The following DNMT1 variants were observed in gnomAD, a reference collection of about 807,000 sequenced individuals.
DNMT1 encodes DNA (cytosine-5)-methyltransferase 1.
DNMT1 carries 24 observed loss-of-function variants against 205.3 expected under a neutral mutation model. The observed-to-expected ratio is 0.12, with a 90% confidence interval of 0.08 to 0.16. The LOEUF (loss-of-function observed/expected upper bound fraction) is 0.16, where lower values mean the gene tolerates loss of function less well. Among genes scored for constraint, DNMT1 ranks in the 10% least tolerant of loss-of-function variants. The probability of loss-of-function intolerance (pLI) is 1.00; values close to 1 mark genes in which losing one functional copy is unlikely to be tolerated. For synonymous variants in DNMT1, 817 were observed against 839.8 expected, an observed-to-expected ratio of 0.97 and a Z score of 0.47; for missense variants, 1,293 against 2,177.7, an observed-to-expected ratio of 0.59 and a Z score of 8.09.
chr19:10,174,086 C>A (rs936523107), intron 7 of DNMT1, among the ~76,000 whole-genome samples, 181 bp from the exon 8 acceptor site: 1 of 152,122 alleles, frequency 6.6e-6, no homozygotes, highest in Admixed American at 6.6e-5. Context: ...TTAATCCCCA[C>A]CAACCCCAAA....
In DNMT1 at chr19:10,137,067, A is replaced by G. The variant is rs1344474481; in HGVS notation, c.4489+18T>C. 6 of 1,609,840 alleles carry G rather than the reference A, an allele frequency of 3.7e-6. No homozygotes were observed. In the Admixed American group the frequency reaches 6.7e-5, roughly 18 times the overall value. On this transcript the variant is annotated intron_variant, in intron 37 of 40. Transcript: ENST00000359526. This position sits in a 1 kb window ranked among gnomAD's most constrained non-coding sequence, Gnocchi z 6.4. ...CCTTCCCCTCAGCCCACCGGGAACC[A>G]CAACTTACAGGACCCACCTTCCACG...
chr19:10,163,491 G>T, intron 11 of DNMT1, 131 bp from the exon 12 acceptor site: 1 of 884,544 alleles, frequency 1.1e-6, no homozygotes. Flanking sequence ...TGGAAGACAG[G>T]CAGGCCTGGG....
chr19:10,133,719 G>C lies in DNMT1; in HGVS notation c.4865-18C>G, dbSNP rs1227798096. The stretch of plus-strand genomic sequence containing the variant: ...TATTTTAGCTGAAGGGAAATAAAAG[G>C]AAAAGTCACTCTGGGGAACACGCCC... On this transcript the variant is annotated intron_variant, in intron 40 of 40. Coordinates refer to ENST00000359526, the MANE Select transcript of DNMT1 (RefSeq NM_001130823.3). The surrounding 1 kb of genome is among the most constrained non-coding windows in gnomAD (Gnocchi z 4.1). 1 of 1,582,814 alleles carries C rather than the reference G, an allele frequency of 6.3e-7. No homozygotes were observed. Among genetic ancestry groups the C allele is most frequent in the East Asian group, 2.3e-5 (1 of 43,308 alleles).
In DNMT1 at chr19:10,133,800, C is replaced by A; in HGVS notation, c.4865-99G>T. 3 of 1,293,364 alleles carry A rather than the reference C, an allele frequency of 2.3e-6. No homozygotes were observed. The highest frequency in any genetic ancestry group is 3.3e-6 in the Non-Finnish European group (3 of 912,140). 80.1% of individuals were successfully genotyped at this position (1,293,364 alleles called of 1,614,324 possible). A position where few individuals can be genotyped will look rare whatever the true frequency, so the allele number is the denominator to read the frequency against. On this transcript the variant is annotated intron_variant, in intron 40 of 40. Transcript: ENST00000359526. This position sits in a 1 kb window ranked among gnomAD's most constrained non-coding sequence, Gnocchi z 4.1. ...GACATGGACCATCAGGAAACATTAA[C>A]GTACTGATGTTAACAGCTGACCCAA... is the stretch of plus-strand genomic sequence containing the variant.
At chr19:10,148,322 T>C (rs190523001) in intron 27 of DNMT1, among the ~76,000 whole-genome samples, 6,541 of 148,824 alleles carry the variant, frequency 0.044, 473 homozygotes, top group African/African-American at 0.15. Context: ...CAGTGAAACC[T>C]CGTCTCTACT....
At chr19:10,163,438 C>A in intron 11 of DNMT1, 78 bp from the exon 12 acceptor site, 3 of 1,473,244 alleles carry the variant, frequency 2.0e-6, no homozygotes, top group Non-Finnish European at 2.8e-6. Context: ...AGATAAAATG[C>A]AAACACTGAA....
At chr19:10,161,361 A>ATAAC (rs1339941748) in intron 13 of DNMT1, among the ~76,000 whole-genome samples, 16 of 140,160 alleles carry the variant, frequency 1.1e-4, no homozygotes, top group Non-Finnish European at 7.9e-5. Context: ...AAATAAATAA[A>ATAAC]TAACTGGCCA....
chr19:10,174,635 A>G (rs12609152), intron 7 of DNMT1, among the ~76,000 whole-genome samples: 19,900 of 151,948 alleles, frequency 0.13, 1,887 homozygotes, highest in East Asian at 0.4. Context: ...TGAACCCAGG[A>G]GGCGGAGGTT....
chr19:10,171,308 A>T (rs1678766829), intron 9 of DNMT1, among the ~76,000 whole-genome samples: 1 of 152,062 alleles, frequency 6.6e-6, no homozygotes, highest in Non-Finnish European at 1.5e-5. Flanking sequence ...TGAAAATTAG[A>T]TCTTCACCAA....
chr19:10,173,215 G>A, intron 8 of DNMT1, 41 bp from the exon 9 acceptor site: 3 of 1,605,802 alleles, frequency 1.9e-6, no homozygotes, highest in Non-Finnish European at 2.6e-6. Flanking sequence ...GTGAGTGCCA[G>A]GAGCTTCCCC....
intron 1 of DNMT1, among the ~76,000 whole-genome samples, chr19:10,184,811 C>T (rs1194475458): frequency 6.6e-6 from 1 of 152,184 alleles, no homozygotes; most frequent in Non-Finnish European, 1.5e-5. Context: ...CAGGCAGGGA[C>T]CAGGCCACTG....
At position 10,137,109 on chromosome 19, in the gene DNMT1, G is replaced by A; in HGVS notation, c.4465C>T (p.Arg1489Cys). The A allele has an allele frequency of 6.2e-7, 1 of 1,612,196 alleles. No individual in the cohort carries two copies. The highest frequency in any genetic ancestry group is 8.5e-7 in the Non-Finnish European group (1 of 1,179,654). ...CCTTCCACGCAGGAGCAGACCCCAC[G>A]GAGGGCCCCAGAGCTGCTGCGGCCG... ...KNGRSSSGAL[R>C]GVCSCVEAGK... is the part of the protein sequence containing the mutation. Residue 1489 changes from arginine (R) to cysteine (C), a missense_variant, in exon 37 of 41, where the codon CGT becomes TGT. Transcript: ENST00000359526. This position sits in a 1 kb window ranked among gnomAD's most constrained non-coding sequence, Gnocchi z 6.4.
intron 28 of DNMT1, 68 bp from the exon 29 acceptor site, chr19:10,144,055 A>G: frequency 2.0e-6 from 3 of 1,483,842 alleles, no homozygotes; most frequent in Non-Finnish European, 2.8e-6. Flanking sequence ...GGCATGACTG[A>G]CCAGTGAAAA....
At chr19:10,145,226 G>A (rs530470978) in intron 28 of DNMT1, among the ~76,000 whole-genome samples, 14 of 152,356 alleles carry the variant, frequency 9.2e-5, no homozygotes, top group Non-Finnish European at 1.8e-4. Context: ...GGCCCCCCAG[G>A]AGTCTGACGG....
At chr19:10,161,089 G>A (rs1056050828) in intron 13 of DNMT1, among the ~76,000 whole-genome samples, 3 of 152,154 alleles carry the variant, frequency 2.0e-5, no homozygotes, top group Non-Finnish European at 2.9e-5. Flanking sequence ...GATGGATCAC[G>A]AGATCAAGAG....
rs532634715 is a variant in DNMT1 at position 10,137,411 on chromosome 19, A to C, written c.4294-131T>G. 5.1e-6 allele frequency: 6 copies of C among 1,184,750 alleles called. No individual in the cohort carries two copies. The African/African-American group carries it at 9.1e-5, about 18-fold the overall frequency. The allele number at this position is 1,184,750 out of a possible 1,614,324, so 73.4% of individuals were successfully genotyped here. A position where few individuals can be genotyped will look rare whatever the true frequency, so the allele number is the denominator to read the frequency against. ...GGCTCACGCCCATCGGGAAAGAGAC[A>C]GTCAGGGATATCGCACTTGGCTCGA... On this transcript the variant is annotated intron_variant, in intron 36 of 40. Transcript: ENST00000359526. This position sits in a 1 kb window ranked among gnomAD's most constrained non-coding sequence, Gnocchi z 6.4.
intron 27 of DNMT1, among the ~76,000 whole-genome samples, chr19:10,148,659 T>G (rs923569333): frequency 2.2e-4 from 34 of 152,058 alleles, no homozygotes; most frequent in Admixed American, 1.6e-3. Context: ...TGTTCCTGGG[T>G]AGGGAACCCT....
Position 10,180,354 on chromosome 19 carries a change from A to G in DNMT1, c.441T>C (p.Ala147=), listed in dbSNP as rs2039021184. ...AAAGGAATCATCTGCTCTTACGCTTAGCCTCTCCATCGGACTTGCTCCTCC... is the reference window on the plus strand; with the variant it reads ...AAAGGAATCATCTGCTCTTACGCTTGGCCTCTCCATCGGACTTGCTCCTCC... ...TPRRSKSDGE[A]KRSRDPPASA... Residue 147 remains alanine, a synonymous_variant, in exon 4 of 41, where the codon GCT becomes GCC. Coordinates refer to ENST00000359526, the MANE Select transcript of DNMT1 (RefSeq NM_001130823.3). The G allele has an allele frequency of 2.5e-6, 4 of 1,612,138 alleles. No homozygotes were observed. Among genetic ancestry groups the G allele is most frequent in the African/African-American group, 1.3e-5 (1 of 74,908 alleles).
chr19:10,173,410 C>T (rs906054666), intron 8 of DNMT1, among the ~76,000 whole-genome samples: 2 of 151,996 alleles, frequency 1.3e-5, no homozygotes, highest in South Asian at 4.1e-4. Flanking sequence ...TGAATCTAAA[C>T]GCTAATGATC....
Sources: gnomAD v4.1 joint callset for allele counts (sites outside exome capture counted in the v4.1 genomes callset) on GRCh38, gnomAD v4.1.1 for gene constraint, Gnocchi (gnomAD v3.1) non-coding constraint, MANE v1.5 for transcripts, NCBI Gene and HGNC (gene_info 2026-07-23, HGNC 2026-07-21) for gene names.